DYNLT2B: variants seen among roughly 807,000 people sequenced by gnomAD.
DYNLT2B encodes dynein light chain Tctex-type 2B.
In DYNLT2B, 14 loss-of-function variants were observed where a neutral mutation model predicts 19.5. The observed-to-expected ratio is 0.72, with a 90% CI of 0.47 to 1.12. The LOEUF (loss-of-function observed/expected upper bound fraction) is 1.12. Ranked by LOEUF, DYNLT2B falls within the 50% of genes most tolerant of loss-of-function variation. DYNLT2B has a pLI of 0.00. For synonymous variants in DYNLT2B, 70 were observed against 59.7 expected, an observed-to-expected ratio of 1.17 and a Z score of -0.79; for missense variants, 133 against 174.7, an observed-to-expected ratio of 0.76 and a Z score of 1.35.
intron 2 of DYNLT2B, among the ~76,000 whole-genome samples, chr3:196,312,321 G>A (rs1476674997): frequency 1.3e-5 from 2 of 151,950 alleles, no homozygotes; most frequent in African/African-American, 2.4e-5. Context: ...TCCAGCCAAA[G>A]GTGAGGATTC....
chr3:196,316,327 ACT>A, intron 1 of DYNLT2B, 96 bp from the exon 2 acceptor site: 1 of 1,233,704 alleles, frequency 8.1e-7, no homozygotes, highest in South Asian at 1.8e-5. Context: ...CATTAGTACC[ACT>A]TAATCCTTCT....
chr3:196,294,485 G>T (rs1726174351), intron 4 of DYNLT2B, among the ~76,000 whole-genome samples: 1 of 152,170 alleles, frequency 6.6e-6, no homozygotes, highest in African/African-American at 2.4e-5. Flanking sequence ...TAAATATTCT[G>T]ATTCACTGAT....
At position 196,310,268 on chromosome 3, in the gene DYNLT2B, A is replaced by ATT. The variant is rs59708062; in HGVS notation, c.248-3258_248-3257dup. ...AGGCATGCGCCATCACGCTCGGCTA[A>ATT]TTTTTTTTTTTTTTTGCATTTTTAG... is the stretch of plus-strand genomic sequence containing the variant. On this transcript the variant is annotated intron_variant, in intron 2 of 4. Coordinates refer to ENST00000325318, the MANE Select transcript of DYNLT2B (RefSeq NM_152773.5). Among the ~76,000 whole-genome samples, 1,019 of 142,236 alleles carry ATT rather than the reference A, an allele frequency of 7.2e-3. 8 individuals carry two copies. Among genetic ancestry groups the ATT allele is most frequent in the South Asian group, 0.015 (68 of 4,456 alleles). 93.3% of individuals were successfully genotyped at this position (142,236 alleles called of 152,430 possible). A position where few individuals can be genotyped will look rare whatever the true frequency, so the allele number is the denominator to read the frequency against.
intron 2 of DYNLT2B, among the ~76,000 whole-genome samples, chr3:196,309,740 G>A (rs1197078513): frequency 6.6e-6 from 1 of 151,786 alleles, no homozygotes; most frequent in African/African-American, 2.4e-5. Context: ...ATCACTTGAG[G>A]TGAGGAGTTT....
chr3:196,312,084 T>C (rs904808707), intron 2 of DYNLT2B, among the ~76,000 whole-genome samples: 2 of 152,184 alleles, frequency 1.3e-5, no homozygotes, highest in African/African-American at 2.4e-5. Context: ...TTCTCCATGT[T>C]GGTCAGCCTG....
intron 2 of DYNLT2B, among the ~76,000 whole-genome samples, chr3:196,313,831 C>T (rs1726702167): frequency 1.3e-5 from 2 of 152,142 alleles, no homozygotes; most frequent in African/African-American, 4.8e-5. Context: ...GGCACAGTGG[C>T]TCACGCCTGT....
intron 4 of DYNLT2B, among the ~76,000 whole-genome samples, chr3:196,293,570 G>A (rs772942149): frequency 3.4e-4 from 51 of 151,446 alleles, no homozygotes; most frequent in Non-Finnish European, 6.5e-4. Flanking sequence ...AGGTTGCAGT[G>A]AGCCGTGATG....
In DYNLT2B at chr3:196,308,677, C is replaced by T. The variant is rs538832119; in HGVS notation, c.248-1665G>A. Reference sequence around the variant, plus strand: ...GCAGGTTCCAAGATTACACTGTAAACGGGACAATCTGAAGACTACAGGCAA... The same window carrying T: ...GCAGGTTCCAAGATTACACTGTAAATGGGACAATCTGAAGACTACAGGCAA... On this transcript the variant is annotated intron_variant, in intron 2 of 4. Transcript: ENST00000325318. 2.5e-3 allele frequency among the ~76,000 whole-genome samples: 378 copies of T among 152,280 alleles called. 1 individual carries two copies. The highest frequency in any genetic ancestry group is 3.9e-3 in the Non-Finnish European group (262 of 68,030).
intron 3 of DYNLT2B, among the ~76,000 whole-genome samples, chr3:196,299,089 T>C (rs1173656242): frequency 3.4e-5 from 5 of 147,200 alleles, no homozygotes; most frequent in African/African-American, 1.3e-4. Context: ...TTTTTTTTTT[T>C]CTTTTTTTTT....
At chr3:196,316,030 G>C in intron 2 of DYNLT2B, 68 bp downstream of exon 2, 3 of 1,539,648 alleles carry the variant, frequency 1.9e-6, no homozygotes, top group African/African-American at 1.4e-5. Context: ...TAAAGATGGA[G>C]AGGGGGCAAA....
At chr3:196,317,925 C>A (rs1726926183) in intron 1 of DYNLT2B, 115 bp downstream of exon 1, 4 of 476,634 alleles carry the variant, frequency 8.4e-6, no homozygotes, top group Non-Finnish European at 1.3e-5. Flanking sequence ...CCGCCTCCCG[C>A]CCCGCGGACC....
intron 4 of DYNLT2B, 127 bp from the exon 5 acceptor site, chr3:196,291,501 C>G: frequency 1.1e-6 from 1 of 910,472 alleles, no homozygotes; most frequent in Non-Finnish European, 1.6e-6. Flanking sequence ...TTTTTTGAGA[C>G]AGGGTGTCAC....
At position 196,317,000 on chromosome 3, in the gene DYNLT2B, C is replaced by T. The variant is rs146614785; in HGVS notation, c.114-769G>A. Among the ~76,000 whole-genome samples the T allele has an allele frequency of 7.4e-4, 94 of 126,332 alleles. 2 individuals carry two copies. In the South Asian group the frequency reaches 0.013, roughly 18 times the overall value. The allele number at this position is 126,332 out of a possible 152,430, so 82.9% of individuals were successfully genotyped here. A position where few individuals can be genotyped will look rare whatever the true frequency, so the allele number is the denominator to read the frequency against. On this transcript the variant is annotated intron_variant, in intron 1 of 4. Coordinates refer to ENST00000325318, the MANE Select transcript of DYNLT2B (RefSeq NM_152773.5). ...TAGCTGAGTACCCTCTGCTCTGGCC[C>T]GTGAGCCTGACATTTTTTTCAGTGT...
At chr3:196,310,605 T>C (rs900861083) in intron 2 of DYNLT2B, among the ~76,000 whole-genome samples, 2 of 150,636 alleles carry the variant, frequency 1.3e-5, no homozygotes, top group African/African-American at 4.9e-5. Flanking sequence ...AATTTTATAT[T>C]TTAGTAGAGA....
intron 3 of DYNLT2B, chr3:196,305,545 A>C (rs1726463864): frequency 6.6e-6 from 1 of 152,264 alleles, no homozygotes; most frequent in African/African-American, 2.4e-5. Context: ...TCACGCCTGC[A>C]ATCCCAGCAC....
chr3:196,311,200 T>C (rs188354183), intron 2 of DYNLT2B, among the ~76,000 whole-genome samples: 1 of 151,674 alleles, frequency 6.6e-6, no homozygotes, highest in African/African-American at 2.4e-5. Flanking sequence ...CACAAGTAAA[T>C]GGCAATAAAA....
intron 1 of DYNLT2B, among the ~76,000 whole-genome samples, chr3:196,317,051 GGTGTGTGTGTGGTGT>G (rs1726845188): frequency 4.3e-5 from 3 of 70,006 alleles, no homozygotes; most frequent in South Asian, 7.8e-4. Context: ...TGTGTTGTGT[GGTGTGTGTGTGGTGT>G]GTGTGTGTGT....
intron 2 of DYNLT2B, among the ~76,000 whole-genome samples, chr3:196,313,777 A>G (rs576812955): frequency 6.6e-6 from 1 of 152,302 alleles, no homozygotes; most frequent in South Asian, 2.1e-4. Context: ...CAAATATTAA[A>G]TAGTAACTGC....
At chr3:196,296,483 G>T (rs1020759834) in intron 3 of DYNLT2B, among the ~76,000 whole-genome samples, 2 of 152,154 alleles carry the variant, frequency 1.3e-5, no homozygotes, top group Non-Finnish European at 2.9e-5. Flanking sequence ...CTCTGAACTA[G>T]AATTCAGTCT....
Sources: allele counts gnomAD v4.1 joint callset (sites outside exome capture counted in the v4.1 genomes callset), GRCh38; gene constraint gnomAD v4.1.1; transcripts MANE v1.5; gene names NCBI Gene and HGNC (gene_info 2026-07-23, HGNC 2026-07-21).